The following MAGI1 variants were observed in gnomAD, a reference collection of about 807,000 sequenced individuals.
MAGI1 encodes the protein membrane associated guanylate kinase, WW and PDZ domain containing 1.
A neutral mutation model predicts 139.9 loss-of-function variants in MAGI1; 58 were observed. The observed-to-expected ratio is 0.41, with a 90% CI of 0.34 to 0.52. The LOEUF is 0.52. Ranked by LOEUF, MAGI1 falls within the 20% of genes least tolerant of loss-of-function variation. The pLI is 0.12. For missense variants in MAGI1, 1,874 were observed against 1,901.6 expected, an observed-to-expected ratio of 0.99 and a Z score of 0.27; for synonymous variants, 812 against 737.9, an observed-to-expected ratio of 1.10 and a Z score of -1.63.
chr3:65,515,575 T>C (rs2077827566), intron 2 of MAGI1, among the ~76,000 whole-genome samples: 1 of 152,128 alleles, frequency 6.6e-6, no homozygotes. Context: ...TTTTCAGATA[T>C]AAAAAGTTAA....
At chr3:65,724,602 T>C (rs755916521) in intron 1 of MAGI1, among the ~76,000 whole-genome samples, 8 of 152,206 alleles carry the variant, frequency 5.3e-5, no homozygotes, top group Admixed American at 6.5e-5. Flanking sequence ...TTGTTAAATA[T>C]ATAAATGATC....
chr3:65,977,124 T>C (rs1475893565), intron 1 of MAGI1, among the ~76,000 whole-genome samples: 2 of 152,188 alleles, frequency 1.3e-5, no homozygotes, highest in Non-Finnish European at 2.9e-5. Context: ...TGTGATGTTA[T>C]AGGTTTTCTT....
At chr3:65,882,500 A>T (rs142946334) in intron 1 of MAGI1, among the ~76,000 whole-genome samples, 1 of 152,246 alleles carries the variant, frequency 6.6e-6, no homozygotes, top group East Asian at 1.9e-4. Flanking sequence ...CATCTACAGG[A>T]TGGCAGGGAA....
intron 1 of MAGI1, among the ~76,000 whole-genome samples, chr3:65,800,629 T>C (rs2040455595): frequency 8.4e-6 from 1 of 119,606 alleles, no homozygotes; most frequent in South Asian, 3.1e-4. Context: ...ATACGTTTTT[T>C]AATTAGATTA....
chr3:65,467,432 T>A (rs1475723089), intron 5 of MAGI1, among the ~76,000 whole-genome samples: 1 of 152,230 alleles, frequency 6.6e-6, no homozygotes, highest in African/African-American at 2.4e-5. Context: ...CAAGTATATA[T>A]AATTTAGGCT....
intron 1 of MAGI1, among the ~76,000 whole-genome samples, chr3:65,736,645 C>T (rs1224204665): frequency 2.6e-5 from 4 of 152,176 alleles, no homozygotes; most frequent in Admixed American, 6.5e-5. Context: ...TGTCCAAGGG[C>T]AGGAGAAGAT....
At chr3:65,384,779 G>GT (rs1943316017) in intron 14 of MAGI1, among the ~76,000 whole-genome samples, 1 of 53,598 alleles carries the variant, frequency 1.9e-5, no homozygotes, top group Non-Finnish European at 5.0e-5. Context: ...ATATAGGAAG[G>GT]GGTGTGTGTG....
intron 1 of MAGI1, among the ~76,000 whole-genome samples, chr3:65,657,629 G>C (rs903496819): frequency 2.6e-5 from 4 of 152,120 alleles, no homozygotes; most frequent in Non-Finnish European, 5.9e-5. Flanking sequence ...CCTAGCAACT[G>C]GGGAATGACA....
At chr3:65,821,842 A>G (rs1437851962) in intron 1 of MAGI1, among the ~76,000 whole-genome samples, 1 of 152,238 alleles carries the variant, frequency 6.6e-6, no homozygotes, top group Non-Finnish European at 1.5e-5. Context: ...GTGAGATGTC[A>G]GTGATGATAA....
intron 14 of MAGI1, chr3:65,387,061 T>C: frequency 7.8e-7 from 1 of 1,274,156 alleles, no homozygotes; most frequent in African/African-American, 1.5e-5. Flanking sequence ...TTTCTGAACT[T>C]CTCCCCAGGC....
At chr3:65,874,458 C>A (rs1025122587) in intron 1 of MAGI1, 2 of 152,326 alleles carry the variant, frequency 1.3e-5, no homozygotes, top group East Asian at 3.9e-4. Flanking sequence ...AATGGGCAAA[C>A]CATCTTAACA....
chr3:65,981,081 A>G (rs991197267), intron 1 of MAGI1, among the ~76,000 whole-genome samples: 37 of 151,144 alleles, frequency 2.4e-4, no homozygotes, highest in African/African-American at 8.8e-4. Flanking sequence ...GAATCACTTG[A>G]ACCCGGGAGG....
intron 1 of MAGI1, among the ~76,000 whole-genome samples, chr3:65,670,365 C>T (rs1295928246): frequency 7.8e-6 from 1 of 128,542 alleles, no homozygotes; most frequent in African/African-American, 2.6e-5. Context: ...TATATATACA[C>T]ATAAGTGCTT....
chr3:65,966,249 C>T (rs2064734088), intron 1 of MAGI1, among the ~76,000 whole-genome samples: 1 of 152,042 alleles, frequency 6.6e-6, no homozygotes, highest in African/African-American at 2.4e-5. Context: ...CAGTTAAAGC[C>T]CATACAGCAA....
At chr3:65,749,995 G>C (rs2036014109) in intron 1 of MAGI1, among the ~76,000 whole-genome samples, 1 of 152,116 alleles carries the variant, frequency 6.6e-6, no homozygotes, top group African/African-American at 2.4e-5. Context: ...GGTCAGGAAG[G>C]CTGCAGCACA....
At chr3:65,739,181 T>C (rs1351977398) in intron 1 of MAGI1, among the ~76,000 whole-genome samples, 1 of 152,256 alleles carries the variant, frequency 6.6e-6, no homozygotes, top group Non-Finnish European at 1.5e-5. Flanking sequence ...ACAATAGTAC[T>C]TGCTGCTGCA....
chr3:65,667,283 AG>A (rs373691511), intron 1 of MAGI1, among the ~76,000 whole-genome samples: 6 of 152,270 alleles, frequency 3.9e-5, no homozygotes, highest in African/African-American at 1.2e-4. Context: ...CCAGCATGGG[AG>A]GGGAGGTTTC....
intron 1 of MAGI1, among the ~76,000 whole-genome samples, chr3:65,789,513 C>G (rs1252922061): frequency 6.6e-6 from 1 of 152,200 alleles, no homozygotes; most frequent in African/African-American, 2.4e-5. Flanking sequence ...TCATTTAATC[C>G]TTTAGCCAAT....
intron 2 of MAGI1, among the ~76,000 whole-genome samples, chr3:65,580,813 G>A (rs1405633313): frequency 2.0e-5 from 3 of 152,052 alleles, no homozygotes; most frequent in African/African-American, 7.2e-5. Flanking sequence ...GTGCACACCG[G>A]TTTCCACACA....
Sources: allele counts gnomAD v4.1 joint callset (sites outside exome capture counted in the v4.1 genomes callset), GRCh38; gene constraint gnomAD v4.1.1; transcripts MANE v1.5; gene names NCBI Gene and HGNC (gene_info 2026-07-23, HGNC 2026-07-21).